Variants in SEMA3C observed in about 807,000 individuals in gnomAD.
The protein encoded by SEMA3C is semaphorin 3C.
In SEMA3C, 47 loss-of-function variants were observed where a neutral mutation model predicts 89.4. The observed-to-expected ratio is 0.53, with a 90% CI of 0.42 to 0.67. The LOEUF (loss-of-function observed/expected upper bound fraction) is 0.67. Ranked by LOEUF, SEMA3C falls within the 30% of genes least tolerant of loss-of-function variation. The probability of loss-of-function intolerance (pLI) is 0.00; values close to 1 mark genes in which losing one functional copy is unlikely to be tolerated. For synonymous variants in SEMA3C, 310 were observed against 320.2 expected, an observed-to-expected ratio of 0.97 and a Z score of 0.34; for missense variants, 839 against 929.1, an observed-to-expected ratio of 0.90 and a Z score of 1.26.
intron 2 of SEMA3C, among the ~76,000 whole-genome samples, chr7:80,878,069 T>G (rs1262456930): frequency 6.6e-6 from 1 of 152,132 alleles, no homozygotes; most frequent in East Asian, 1.9e-4. Flanking sequence ...CTTACTTGTT[T>G]CAAGTCCCAT....
At chr7:80,858,031 C>T (rs986296072) in intron 2 of SEMA3C, among the ~76,000 whole-genome samples, 1 of 151,848 alleles carries the variant, frequency 6.6e-6, no homozygotes, top group Non-Finnish European at 1.5e-5. Flanking sequence ...ATGGGGAATC[C>T]TGTTATGTTA....
In SEMA3C at chr7:80,800,938, T is replaced by C. The variant is rs541953489; in HGVS notation, c.917-112A>G. The C allele has an allele frequency of 1.1e-5, 6 of 534,912 alleles. No individual in the cohort carries two copies. In the East Asian group the frequency reaches 2.1e-4, roughly 19 times the overall value. The allele number at this position is 534,912 out of a possible 1,614,324, so 33.1% of individuals were successfully genotyped here. A position where few individuals can be genotyped will look rare whatever the true frequency, so the allele number is the denominator to read the frequency against. ...CTGAAAAGTACTCTGCAAAAAGATA[T>C]TCCTGTACCATTATGGTAATTTGGA... On this transcript the variant is annotated intron_variant, in intron 9 of 17. Transcript: ENST00000265361.
intron 2 of SEMA3C, among the ~76,000 whole-genome samples, chr7:80,914,117 A>G (rs1438100215): frequency 6.6e-6 from 1 of 152,194 alleles, no homozygotes; most frequent in East Asian, 1.9e-4. Flanking sequence ...GTCTAATACA[A>G]CTTGAAACTA....
chr7:80,762,681 C>A (rs1478784298), intron 13 of SEMA3C, among the ~76,000 whole-genome samples: 1 of 151,874 alleles, frequency 6.6e-6, no homozygotes, highest in Non-Finnish European at 1.5e-5. Flanking sequence ...AGTATGGTGG[C>A]GCATGCCTGT....
At chr7:80,847,374 A>C (rs1460523413) in intron 2 of SEMA3C, 1 of 152,194 alleles carries the variant, frequency 6.6e-6, no homozygotes, top group Non-Finnish European at 1.5e-5. Context: ...GTAAATTTCC[A>C]GGTAAATAAA....
intron 1 of SEMA3C, 91 bp downstream of exon 1, chr7:80,918,737 G>A (rs960027451): frequency 5.2e-6 from 4 of 773,136 alleles, no homozygotes; most frequent in Non-Finnish European, 6.3e-6. Context: ...GTCCAGGCTT[G>A]AGCATACCAA....
At chr7:80,795,664 G>A (rs147724123) in intron 11 of SEMA3C, among the ~76,000 whole-genome samples, 54 of 152,282 alleles carry the variant, frequency 3.5e-4, no homozygotes, top group African/African-American at 1.3e-3. Flanking sequence ...ATTTTATGTA[G>A]AACAATTGCT....
intron 2 of SEMA3C, among the ~76,000 whole-genome samples, chr7:80,856,557 A>C (rs1287577255): frequency 2.0e-5 from 3 of 150,074 alleles, no homozygotes; most frequent in Non-Finnish European, 3.0e-5. Context: ...AAAAAAAAAA[A>C]CTAGGTTGGA....
At chr7:80,841,684 C>A (rs962960695) in intron 2 of SEMA3C, among the ~76,000 whole-genome samples, 1 of 152,136 alleles carries the variant, frequency 6.6e-6, no homozygotes, top group Non-Finnish European at 1.5e-5. Context: ...TCAGCTCTCC[C>A]CACCAGCAAA....
intron 17 of SEMA3C, among the ~76,000 whole-genome samples, chr7:80,748,571 G>C (rs2117026564): frequency 6.6e-6 from 1 of 152,228 alleles, no homozygotes; most frequent in East Asian, 1.9e-4. Flanking sequence ...TCACACAAAG[G>C]TGCCGTTGTG....
chr7:80,901,110 G>A (rs552017376), intron 2 of SEMA3C, among the ~76,000 whole-genome samples: 1 of 152,162 alleles, frequency 6.6e-6, no homozygotes, highest in South Asian at 2.1e-4. Context: ...ATCTAATTTT[G>A]GTGGATGAAC....
In SEMA3C at chr7:80,761,188, G is replaced by A. The variant is rs571761133; in HGVS notation, c.1485+428C>T. On this transcript the variant is annotated intron_variant, in intron 14 of 17. Transcript: ENST00000265361. ...AAAAATAAGCATAAAAGAATACACT[G>A]TGCATTTCAAATATGTGACAACAGC... Among the ~76,000 whole-genome samples, 5 of 152,102 alleles carry A rather than the reference G, an allele frequency of 3.3e-5. No individual in the cohort carries two copies. The East Asian group carries it at 7.7e-4, about 24-fold the overall frequency.
chr7:80,898,004 A>C (rs1791781079), intron 2 of SEMA3C, among the ~76,000 whole-genome samples: 1 of 152,150 alleles, frequency 6.6e-6, no homozygotes, highest in Admixed American at 6.5e-5. Flanking sequence ...ATAACGAGAT[A>C]ATTTAGGGGC....
intron 2 of SEMA3C, among the ~76,000 whole-genome samples, chr7:80,829,468 G>C (rs1789959997): frequency 6.6e-6 from 1 of 151,998 alleles, no homozygotes; most frequent in Non-Finnish European, 1.5e-5. Context: ...ATCATTTTAG[G>C]ATTGTTATTT....
At chr7:80,812,363 G>C (rs150153327) in intron 5 of SEMA3C, among the ~76,000 whole-genome samples, 127 of 152,238 alleles carry the variant, frequency 8.3e-4, no homozygotes, top group African/African-American at 3.0e-3. Flanking sequence ...GCTGATAATA[G>C]CACAATTTGA....
At chr7:80,822,315 C>T (rs771288820) in intron 4 of SEMA3C, among the ~76,000 whole-genome samples, 9 of 150,978 alleles carry the variant, frequency 6.0e-5, no homozygotes, top group Non-Finnish European at 8.8e-5. Context: ...GACATTTGAG[C>T]TGAGTCTTGC....
chr7:80,843,557 T>A lies in SEMA3C; in HGVS notation c.104-14812A>T, dbSNP rs191159523. ...AAAAAATACCTATCTCATGGGACCATTGTGCTAATTGAATGAGAAAGTAAG... is the reference window on the plus strand; with the variant it reads ...AAAAAATACCTATCTCATGGGACCAATGTGCTAATTGAATGAGAAAGTAAG... On this transcript the variant is annotated intron_variant, in intron 2 of 17. Transcript: ENST00000265361. Among the ~76,000 whole-genome samples, 15 of 152,166 alleles carry A rather than the reference T, an allele frequency of 9.9e-5. No homozygotes were observed. In the East Asian group the frequency reaches 2.7e-3, roughly 27 times the overall value.
chr7:80,878,960 C>T (rs796333492), intron 2 of SEMA3C, among the ~76,000 whole-genome samples: 5 of 152,188 alleles, frequency 3.3e-5, no homozygotes, highest in African/African-American at 9.6e-5. Flanking sequence ...TTTTCAAGAA[C>T]AGTGGCCCAT....
At chr7:80,836,115 C>T (rs189406996) in intron 2 of SEMA3C, among the ~76,000 whole-genome samples, 7 of 152,168 alleles carry the variant, frequency 4.6e-5, no homozygotes, top group South Asian at 2.1e-4. Context: ...CAGTCGGGGA[C>T]GAGTAGATAC....
Sources: allele counts gnomAD v4.1 joint callset (sites outside exome capture counted in the v4.1 genomes callset), GRCh38; gene constraint gnomAD v4.1.1; transcripts MANE v1.5; gene names NCBI Gene and HGNC (gene_info 2026-07-23, HGNC 2026-07-21).